ECT2L: variants seen among roughly 807,000 people sequenced by gnomAD.
ECT2L encodes the protein epithelial cell transforming 2 like.
ECT2L carries 126 observed loss-of-function variants against 122.8 expected under a neutral mutation model. The observed-to-expected ratio is 1.03, with a 90% CI of 0.89 to 1.19. The LOEUF is 1.19. Ranked by LOEUF, ECT2L falls within the 50% of genes most tolerant of loss-of-function variation. The probability of loss-of-function intolerance (pLI) is 0.00; values close to 1 mark genes in which losing one functional copy is unlikely to be tolerated. For synonymous variants in ECT2L, 385 were observed against 381.8 expected, an observed-to-expected ratio of 1.01 and a Z score of -0.10; for missense variants, 1,012 against 1,064.1, an observed-to-expected ratio of 0.95 and a Z score of 0.68.
At chr6:138,857,226 A>G (rs1777641861) in intron 10 of ECT2L, among the ~76,000 whole-genome samples, 1 of 152,158 alleles carries the variant, frequency 6.6e-6, no homozygotes, top group Non-Finnish European at 1.5e-5. Context: ...CCTTAAAAAA[A>G]TAAAAGGACA....
chr6:138,892,045 A>G (rs1163358597), intron 20 of ECT2L, among the ~76,000 whole-genome samples: 1 of 152,022 alleles, frequency 6.6e-6, no homozygotes, highest in Non-Finnish European at 1.5e-5. Context: ...GTCTCTCTTC[A>G]TCTGGTATTC....
At position 138,874,258 on chromosome 6, in the gene ECT2L, G is replaced by A. The variant is rs561051802; in HGVS notation, c.1579-2214G>A. 6.2e-3 allele frequency among the ~76,000 whole-genome samples: 937 copies of A among 151,882 alleles called. 10 individuals carry two copies. Among genetic ancestry groups the A allele is most frequent in the African/African-American group, 0.021 (888 of 41,354 alleles). On this transcript the variant is annotated intron_variant, in intron 13 of 21. Transcript: ENST00000541398. ...TTTAATGGTCTTCCTTATATGTCCC[G>A]CAGAGCCAAGGCAAAGACCCACCAA... is the stretch of plus-strand genomic sequence containing the variant.
At chr6:138,855,524 T>C (rs1204635349) in intron 10 of ECT2L, among the ~76,000 whole-genome samples, 1 of 151,648 alleles carries the variant, frequency 6.6e-6, no homozygotes, top group African/African-American at 2.4e-5. Flanking sequence ...AAAAAGAAAA[T>C]ATGCATAGAA....
intron 20 of ECT2L, among the ~76,000 whole-genome samples, chr6:138,892,373 C>T (rs1779060060): frequency 6.6e-6 from 1 of 152,174 alleles, no homozygotes; most frequent in Admixed American, 6.5e-5. Flanking sequence ...TCCATTAAAG[C>T]CCTTAACATA....
At chr6:138,834,803 T>C (rs1776765931) in intron 4 of ECT2L, among the ~76,000 whole-genome samples, 1 of 152,030 alleles carries the variant, frequency 6.6e-6, no homozygotes, top group African/African-American at 2.4e-5. Context: ...TGTGCTTTAT[T>C]GTTGATACTG....
chr6:138,849,429 T>C lies in ECT2L; in HGVS notation c.1064T>C (p.Leu355Pro), dbSNP rs1342564846. ...SDGDSREINL[L>P]QGYKIGVKNL... ...GGAGACAGCAGAGAAATCAATTTACTCCAAGGTAGGCCTGGGGATTGGCGG... is the reference window on the plus strand; with the variant it reads ...GGAGACAGCAGAGAAATCAATTTACCCCAAGGTAGGCCTGGGGATTGGCGG... The change falls in exon 9 of 22, where the codon CTC (leucine) becomes CCC (proline). Residue 355 changes from leucine (L) to proline (P), a missense_variant. Transcript: ENST00000541398. The C allele has an allele frequency of 6.2e-7, 1 of 1,612,824 alleles. No individual in the cohort carries two copies. Among genetic ancestry groups the C allele is most frequent in the Admixed American group, 1.7e-5 (1 of 59,806 alleles).
chr6:138,883,407 T>C (rs1250346731), intron 16 of ECT2L, among the ~76,000 whole-genome samples: 1 of 152,244 alleles, frequency 6.6e-6, no homozygotes, highest in Non-Finnish European at 1.5e-5. Flanking sequence ...CATGTACCAC[T>C]TGCTGCTCTT....
At chr6:138,864,863 C>G in intron 11 of ECT2L, 133 bp from the exon 12 acceptor site, 1 of 785,180 alleles carries the variant, frequency 1.3e-6, no homozygotes. Flanking sequence ...GGGTGTTTGT[C>G]TTAGTCTTCT....
intron 10 of ECT2L, among the ~76,000 whole-genome samples, chr6:138,859,527 A>G (rs930751180): frequency 6.6e-6 from 1 of 152,198 alleles, no homozygotes; most frequent in African/African-American, 2.4e-5. Context: ...CTAGTTGCCT[A>G]TCATTTTACC....
chr6:138,847,282 C>CA (rs1164032343), intron 8 of ECT2L, among the ~76,000 whole-genome samples: 13 of 136,810 alleles, frequency 9.5e-5, no homozygotes, highest in Non-Finnish European at 1.3e-4. Flanking sequence ...CAAAACAAAA[C>CA]AAACAAAAAC....
At chr6:138,821,254 C>A (rs372348439) in intron 4 of ECT2L, among the ~76,000 whole-genome samples, 1 of 152,170 alleles carries the variant, frequency 6.6e-6, no homozygotes. Context: ...CCAGGCAGCC[C>A]GAACTTGATG....
At chr6:138,892,306 A>G (rs991482895) in intron 20 of ECT2L, among the ~76,000 whole-genome samples, 1 of 152,010 alleles carries the variant, frequency 6.6e-6, no homozygotes, top group Non-Finnish European at 1.5e-5. Context: ...TTTCTTTCTT[A>G]GAGTTTTGGT....
chr6:138,838,370 T>A lies in ECT2L; in HGVS notation c.198T>A (p.Phe66Leu). 6.2e-7 allele frequency: 1 copy of A among 1,605,288 alleles called. No homozygotes were observed. Among genetic ancestry groups the A allele is most frequent in the Non-Finnish European group, 8.5e-7 (1 of 1,177,184 alleles). The change falls in exon 5 of 22, where the codon TTT becomes TTA. Residue 66 changes from phenylalanine to leucine, a missense_variant. Phe to Leu is a conservative substitution (Grantham distance 22, BLOSUM62 0). Coordinates refer to ENST00000541398, the MANE Select transcript of ECT2L (RefSeq NM_001077706.3). The stretch of plus-strand genomic sequence containing the variant: ...TTTTTAGGTTTGTCCAAGACTGGTT[T>A]TCAGAAAGGATGCAAGTGGCCAAAG... ...KSQLRFVQDW[F>L]SERMQVAKVD...
intron 9 of ECT2L, among the ~76,000 whole-genome samples, chr6:138,851,482 CTTTTTTTTTTTT>C (rs56921189): frequency 1.8e-5 from 2 of 109,636 alleles, no homozygotes; most frequent in Non-Finnish European, 3.6e-5. Context: ...TGTGCCTAGC[CTTTTTTTTTTTT>C]TTTTTTTTTT....
At chr6:138,894,882 C>T (rs569078007) in intron 20 of ECT2L, among the ~76,000 whole-genome samples, 1 of 152,270 alleles carries the variant, frequency 6.6e-6, no homozygotes, top group African/African-American at 2.4e-5. Context: ...TTTGCCTCAG[C>T]TTCTTCCTTT....
At chr6:138,840,050 A>T (rs1776982624) in intron 5 of ECT2L, among the ~76,000 whole-genome samples, 1 of 152,324 alleles carries the variant, frequency 6.6e-6, no homozygotes, top group East Asian at 1.9e-4. Flanking sequence ...CACACATTTT[A>T]TATATGTACT....
intron 1 of ECT2L, among the ~76,000 whole-genome samples, chr6:138,806,530 T>TTTTTTTTG: frequency 6.8e-6 from 1 of 147,616 alleles, no homozygotes; most frequent in East Asian, 2.0e-4. Flanking sequence ...TTTTTTTTTT[T>TTTTTTTTG]GAGATGGAGT....
chr6:138,886,365 G>A (rs1778820828), intron 18 of ECT2L, among the ~76,000 whole-genome samples: 1 of 152,036 alleles, frequency 6.6e-6, no homozygotes, highest in Non-Finnish European at 1.5e-5. Context: ...ATTCAGTTTT[G>A]TCACTTGCCT....
rs1374912046 is a variant in ECT2L, at chr6:138,903,622, A to T, written c.*995A>T. Reference sequence around the variant, plus strand: ...ATTTTAAAAAACAAAACTAAATGGAAACAGCAAAACTTGCTTGTAATGAAA... The same window carrying T: ...ATTTTAAAAAACAAAACTAAATGGATACAGCAAAACTTGCTTGTAATGAAA... On this transcript the variant is annotated 3_prime_UTR_variant, in exon 22 of 22. Coordinates refer to ENST00000541398, the MANE Select transcript of ECT2L (RefSeq NM_001077706.3). 6.6e-6 allele frequency: 1 copy of T among 152,236 alleles called. No homozygotes were observed. Among genetic ancestry groups the T allele is most frequent in the African/African-American group, 2.4e-5 (1 of 41,466 alleles). 9.4% of individuals were successfully genotyped at this position (152,236 alleles called of 1,614,324 possible).
Sources: allele counts gnomAD v4.1 joint callset (sites outside exome capture counted in the v4.1 genomes callset), GRCh38; gene constraint gnomAD v4.1.1; transcripts MANE v1.5; gene names NCBI Gene and HGNC (gene_info 2026-07-23, HGNC 2026-07-21).